TSPAN18: variants seen among roughly 807,000 people sequenced by gnomAD.
TSPAN18 encodes tetraspanin-18.
In TSPAN18, 14 loss-of-function variants were observed where a neutral mutation model predicts 27.3. That is an observed-to-expected ratio of 0.51 (90% CI 0.34 to 0.80). TSPAN18 has a LOEUF of 0.80. TSPAN18 is among the 30% of genes least tolerant of loss of function. The pLI, the probability that TSPAN18 is intolerant of heterozygous loss-of-function variation, is 0.01. For synonymous variants in TSPAN18, 143 were observed against 136.5 expected (o/e 1.05, Z -0.33); for missense variants, 268 against 323.9 (o/e 0.83, Z 1.32).
intron 2 of TSPAN18, among the ~76,000 whole-genome samples, chr11:44,794,965 T>C (rs1386421760): frequency 6.6e-6 from 1 of 152,224 alleles, no homozygotes; most frequent in Non-Finnish European, 1.5e-5. Flanking sequence ...GGAAAAATGA[T>C]GCCAGCTTGG....
chr11:44,762,076 G>C (rs1351967051), intron 1 of TSPAN18, among the ~76,000 whole-genome samples: 16 of 152,210 alleles, frequency 1.1e-4, no homozygotes, highest in Admixed American at 1.0e-3. Context: ...CAGTTTGTCA[G>C]CACTACCCAA....
chr11:44,813,555 C>T (rs377433285), intron 2 of TSPAN18, among the ~76,000 whole-genome samples: 29 of 152,222 alleles, frequency 1.9e-4, no homozygotes, highest in African/African-American at 6.8e-4. Flanking sequence ...GAAATTTCCA[C>T]TCAGCAGGCG....
chr11:44,834,744 A>G (rs531344160), intron 2 of TSPAN18, among the ~76,000 whole-genome samples: 1 of 152,248 alleles, frequency 6.6e-6, no homozygotes, highest in Non-Finnish European at 1.5e-5. Flanking sequence ...CACAACACTC[A>G]CCTCAAAGCA....
chr11:44,761,388 G>A (rs546256579), intron 1 of TSPAN18, among the ~76,000 whole-genome samples: 9 of 152,266 alleles, frequency 5.9e-5, no homozygotes, highest in Middle Eastern at 3.4e-3. Context: ...CCCCTCCCCC[G>A]CAGAGAGGAG....
At chr11:44,792,565 G>T (rs1856252501) in intron 2 of TSPAN18, among the ~76,000 whole-genome samples, 1 of 152,200 alleles carries the variant, frequency 6.6e-6, no homozygotes, top group South Asian at 2.1e-4. Context: ...TTTCTCAGTG[G>T]CAGACCTTGC....
chr11:44,893,096 C>T (rs1184507802), intron 3 of TSPAN18, among the ~76,000 whole-genome samples: 1 of 152,222 alleles, frequency 6.6e-6, no homozygotes, highest in Non-Finnish European at 1.5e-5. Flanking sequence ...ACAACCTTCA[C>T]TAAGATGCTT....
At chr11:44,793,749 C>T (rs1369168115) in intron 2 of TSPAN18, among the ~76,000 whole-genome samples, 4 of 152,214 alleles carry the variant, frequency 2.6e-5, no homozygotes, top group East Asian at 3.9e-4. Flanking sequence ...AGCTGGGGAA[C>T]GTCCTCCTGT....
chr11:44,773,246 G>A (rs550300056), intron 2 of TSPAN18, among the ~76,000 whole-genome samples: 38 of 151,938 alleles, frequency 2.5e-4, no homozygotes, highest in African/African-American at 6.3e-4. Flanking sequence ...GAGAAACCCC[G>A]TCTCTACTAA....
At chr11:44,855,057 G>A (rs1034693694) in intron 2 of TSPAN18, among the ~76,000 whole-genome samples, 4 of 152,082 alleles carry the variant, frequency 2.6e-5, no homozygotes, top group Non-Finnish European at 2.9e-5. Context: ...CAGATTCCTT[G>A]AACTGCTGGG....
At chr11:44,731,625 T>TGAGAGAGAGAGAGA (rs1188567683) in intron 1 of TSPAN18, among the ~76,000 whole-genome samples, 1 of 82,618 alleles carries the variant, frequency 1.2e-5, no homozygotes, top group African/African-American at 3.9e-5. Flanking sequence ...TGTGTGTGTG[T>TGAGAGAGAGAGAGA]GTGTGTGTGA....
intron 1 of TSPAN18, among the ~76,000 whole-genome samples, chr11:44,732,908 G>A (rs1854698142): frequency 6.6e-6 from 1 of 152,072 alleles, no homozygotes; most frequent in Admixed American, 6.5e-5. Context: ...GTCTAATATG[G>A]GTCTCTGTTC....
intron 2 of TSPAN18, among the ~76,000 whole-genome samples, chr11:44,766,099 T>C (rs1239272833): frequency 6.6e-6 from 1 of 152,238 alleles, no homozygotes; most frequent in Non-Finnish European, 1.5e-5. Flanking sequence ...TTTGGCTGCC[T>C]CTGTGCCCAT....
intron 2 of TSPAN18, among the ~76,000 whole-genome samples, chr11:44,776,136 G>T (rs1298993911): frequency 6.6e-6 from 1 of 152,218 alleles, no homozygotes; most frequent in East Asian, 1.9e-4. Context: ...ACAGCCTGCA[G>T]TGCAGGCTGG....
chr11:44,795,661 TAA>T (rs1856332632), intron 2 of TSPAN18, among the ~76,000 whole-genome samples: 1 of 85,392 alleles, frequency 1.2e-5, no homozygotes, highest in Non-Finnish European at 3.4e-5. Context: ...TCTGATTGTC[TAA>T]GCTTCTGGGG....
Position 44,777,977 on chromosome 11 carries a change from C to T in TSPAN18, c.-153+13465C>T, listed in dbSNP as rs188291144. On this transcript the variant is annotated intron_variant, in intron 2 of 9. Transcript: ENST00000520358. ...GAAGGTGCCTCTTAAAGGATTTTTC[C>T]CCCCAACAGAAAGGATACCCTAGGG... is the stretch of plus-strand genomic sequence containing the variant. Among the ~76,000 whole-genome samples, 8 of 152,210 alleles carry T rather than the reference C, an allele frequency of 5.3e-5. No individual in the cohort carries two copies. The East Asian group carries it at 1.4e-3, about 26-fold the overall frequency.
chr11:44,924,097 TTGTGTGTGTGTGTGTG>T (rs57394106), intron 8 of TSPAN18, among the ~76,000 whole-genome samples: 4 of 145,874 alleles, frequency 2.7e-5, no homozygotes, highest in East Asian at 4.1e-4. Flanking sequence ...CCTTCTGGGG[TTGTGTGTGTGTGTGTG>T]TGTGTGTGTG....
chr11:44,751,114 T>G (rs1855200597), intron 1 of TSPAN18, among the ~76,000 whole-genome samples: 1 of 152,180 alleles, frequency 6.6e-6, no homozygotes, highest in African/African-American at 2.4e-5. Flanking sequence ...CCAAGGTGTG[T>G]CCGGCTGTCC....
At chr11:44,778,595 G>A (rs1855867480) in intron 2 of TSPAN18, among the ~76,000 whole-genome samples, 1 of 152,182 alleles carries the variant, frequency 6.6e-6, no homozygotes, top group Admixed American at 6.5e-5. Flanking sequence ...CCTGTAAAAT[G>A]GGGAGAGGGA....
chr11:44,888,848 T>C (rs1858748779), intron 3 of TSPAN18, among the ~76,000 whole-genome samples: 1 of 152,230 alleles, frequency 6.6e-6, no homozygotes, highest in Non-Finnish European at 1.5e-5. Flanking sequence ...ACGAGGATGG[T>C]GATATAGTTT....
Sources: allele counts gnomAD v4.1 joint callset (sites outside exome capture counted in the v4.1 genomes callset), GRCh38; gene constraint gnomAD v4.1.1; transcripts MANE v1.5; gene names NCBI Gene and HGNC (gene_info 2026-07-23, HGNC 2026-07-21).